The following AFAP1L2 variants were observed in gnomAD, a reference collection of about 807,000 sequenced individuals.
The protein encoded by AFAP1L2 is actin filament-associated protein 1-like 2.
Under a neutral mutation model 99.3 loss-of-function variants are expected in AFAP1L2, and 46 were observed. The observed-to-expected ratio is 0.46, with a 90% confidence interval of 0.37 to 0.59. The LOEUF is 0.59. Among genes scored for constraint, AFAP1L2 ranks in the 20% least tolerant of loss-of-function variants. AFAP1L2 has a pLI of 0.00. For missense variants in AFAP1L2, 959 were observed against 1,034.9 expected, an observed-to-expected ratio of 0.93 and a Z score of 1.01; for synonymous variants, 397 against 419.1, an observed-to-expected ratio of 0.95 and a Z score of 0.64.
chr10:114,361,498 C>G (rs868675697), intron 1 of AFAP1L2, among the ~76,000 whole-genome samples: 5 of 152,144 alleles, frequency 3.3e-5, no homozygotes, highest in Admixed American at 3.3e-4. Context: ...CCCTGTAAAA[C>G]GTTAAACCGA....
intron 1 of AFAP1L2, among the ~76,000 whole-genome samples, chr10:114,380,552 T>C (rs567407457): frequency 6.6e-6 from 1 of 152,208 alleles, no homozygotes; most frequent in Non-Finnish European, 1.5e-5. Context: ...CTGCACTATA[T>C]ATAAAGGTCT....
intron 1 of AFAP1L2, among the ~76,000 whole-genome samples, chr10:114,397,887 G>A (rs568901630): frequency 6.6e-6 from 1 of 152,290 alleles, no homozygotes; most frequent in East Asian, 1.9e-4. Flanking sequence ...CCTGGGAGGA[G>A]CTCCAGGAAG....
chr10:114,290,145 T>C, downstream of AFAP1L2: 6 of 1,484,482 alleles, frequency 4.0e-6, no homozygotes, highest in Non-Finnish European at 4.5e-6. Context: ...ATGACTCTAG[T>C]AGCCTTGCAC....
chr10:114,312,223 G>C (rs1307066043), intron 7 of AFAP1L2, among the ~76,000 whole-genome samples: 1 of 149,874 alleles, frequency 6.7e-6, no homozygotes, highest in East Asian at 2.0e-4. Flanking sequence ...GGGAACTGGG[G>C]GCAAGAGCAG....
At chr10:114,373,802 C>T (rs1266280339) in intron 1 of AFAP1L2, among the ~76,000 whole-genome samples, 1 of 152,184 alleles carries the variant, frequency 6.6e-6, no homozygotes, top group Non-Finnish European at 1.5e-5. Context: ...TCTCTGCTCC[C>T]TTGTCCCCCT....
chr10:114,288,948 AC>A, the AFAP1L2 span: 1 of 1,607,916 alleles, frequency 6.2e-7, no homozygotes, highest in South Asian at 1.1e-5. Context: ...GGTGCCGGAC[AC>A]AAGCCCTGGA....
chr10:114,367,629 T>C (rs1565001444), intron 1 of AFAP1L2, among the ~76,000 whole-genome samples: 1 of 152,188 alleles, frequency 6.6e-6, no homozygotes, highest in East Asian at 1.9e-4. Context: ...CAACCCCCAG[T>C]AAATCACTGT....
chr10:114,299,824 C>T (rs2040830727), intron 15 of AFAP1L2, among the ~76,000 whole-genome samples: 3 of 152,200 alleles, frequency 2.0e-5, no homozygotes, highest in Admixed American at 2.0e-4. Flanking sequence ...GAGTCTTCCC[C>T]AGCCTTCATC....
intron 11 of AFAP1L2, among the ~76,000 whole-genome samples, chr10:114,303,154 A>C (rs1294886765): frequency 6.6e-6 from 1 of 152,112 alleles, no homozygotes; most frequent in Non-Finnish European, 1.5e-5. Context: ...AATGAGAAAA[A>C]ACTGCCCATT....
At chr10:114,389,750 A>G (rs1837873373) in intron 1 of AFAP1L2, among the ~76,000 whole-genome samples, 1 of 152,252 alleles carries the variant, frequency 6.6e-6, no homozygotes, top group Non-Finnish European at 1.5e-5. Flanking sequence ...TGCAAGCTTT[A>G]GAGTCAAACG....
chr10:114,397,052 C>T (rs541543411), intron 1 of AFAP1L2, among the ~76,000 whole-genome samples: 13 of 152,166 alleles, frequency 8.5e-5, no homozygotes, highest in Admixed American at 5.9e-4. Flanking sequence ...GAACCTTCAT[C>T]TTATACCACA....
chr10:114,403,463 A>G (rs2058413099), intron 1 of AFAP1L2, among the ~76,000 whole-genome samples: 1 of 152,220 alleles, frequency 6.6e-6, no homozygotes, highest in Admixed American at 6.5e-5. Flanking sequence ...AGGGGAAAAC[A>G]AATATAGAAG....
chr10:114,307,965 A>G (rs1411119396), intron 9 of AFAP1L2, 56 bp from the exon 10 acceptor site: 1 of 1,500,642 alleles, frequency 6.7e-7, no homozygotes, highest in Non-Finnish European at 9.3e-7. Flanking sequence ...CCACGTGCCC[A>G]TGAGAGATGG....
intron 5 of AFAP1L2, among the ~76,000 whole-genome samples, chr10:114,321,571 T>C (rs1440220773): frequency 6.6e-6 from 1 of 152,208 alleles, no homozygotes; most frequent in Non-Finnish European, 1.5e-5. Context: ...AACAACACCT[T>C]CCTCAGCCTA....
chr10:114,300,152 T>C (rs939174662), intron 15 of AFAP1L2, 42 bp downstream of exon 15: 6 of 1,613,708 alleles, frequency 3.7e-6, no homozygotes, highest in Non-Finnish European at 5.1e-6. Context: ...GAACCCTGAC[T>C]AATACAGATG....
intron 6 of AFAP1L2, 47 bp downstream of exon 6, chr10:114,315,513 C>T (rs1014779314): frequency 1.4e-6 from 2 of 1,452,902 alleles, no homozygotes; most frequent in Non-Finnish European, 1.8e-6. Context: ...CCTGCCCCTT[C>T]CCCAAGGAGA....
intron 1 of AFAP1L2, among the ~76,000 whole-genome samples, chr10:114,352,589 T>A (rs372245768): frequency 2.0e-5 from 3 of 151,974 alleles, no homozygotes; most frequent in African/African-American, 7.3e-5. Context: ...GAATTTGGGT[T>A]AAACCCTTGC....
intron 1 of AFAP1L2, among the ~76,000 whole-genome samples, chr10:114,389,352 C>T (rs943966446): frequency 2.0e-5 from 3 of 152,154 alleles, no homozygotes; most frequent in Non-Finnish European, 4.4e-5. Flanking sequence ...ATCAGATCAA[C>T]CCAGGGTGGG....
intron 2 of AFAP1L2, among the ~76,000 whole-genome samples, chr10:114,338,913 C>A (rs1171361548): frequency 2.6e-5 from 4 of 152,210 alleles, no homozygotes; most frequent in African/African-American, 9.6e-5. Flanking sequence ...ACAGAAAAAT[C>A]ATGGACTCGG....
Sources: allele counts gnomAD v4.1 joint callset (sites outside exome capture counted in the v4.1 genomes callset), GRCh38; gene constraint gnomAD v4.1.1; transcripts MANE v1.5; gene names NCBI Gene and HGNC (gene_info 2026-07-23, HGNC 2026-07-21).